Variants in SEMA4D observed in about 807,000 individuals in gnomAD.
The protein encoded by SEMA4D is semaphorin 4D, also known as semaphorin-4D.
A neutral mutation model predicts 74.8 loss-of-function variants in SEMA4D; 22 were observed. The ratio of observed to expected loss-of-function variants is 0.29; its 90% CI spans 0.21 to 0.42. The LOEUF is 0.42. SEMA4D is among the 10% of genes least tolerant of loss of function. The pLI, the probability that SEMA4D is intolerant of heterozygous loss-of-function variation, is 1.00. For synonymous variants in SEMA4D, 445 were observed against 463.7 expected (o/e 0.96, Z 0.52); for missense variants, 937 against 1,118.4 (o/e 0.84, Z 2.31).
intron 2 of SEMA4D, among the ~76,000 whole-genome samples, chr9:89,414,610 A>G (rs1424970159): frequency 6.6e-6 from 1 of 152,232 alleles, no homozygotes; most frequent in African/African-American, 2.4e-5. Context: ...CAAACTGAGG[A>G]TAAAATGGCC....
intron 2 of SEMA4D, among the ~76,000 whole-genome samples, chr9:89,406,717 CCT>C (rs1843396118): frequency 6.6e-6 from 1 of 152,176 alleles, no homozygotes. Context: ...ACCTGGGATC[CCT>C]GAGTCCCTTG....
At chr9:89,417,624 C>A (rs1186416878) in intron 2 of SEMA4D, among the ~76,000 whole-genome samples, 1 of 152,206 alleles carries the variant, frequency 6.6e-6, no homozygotes, top group Non-Finnish European at 1.5e-5. Context: ...AGATTAAACA[C>A]AAAATGGCCC....
intron 1 of SEMA4D, among the ~76,000 whole-genome samples, chr9:89,461,304 A>G (rs2135695862): frequency 6.6e-6 from 1 of 152,326 alleles, no homozygotes; most frequent in South Asian, 2.1e-4. Flanking sequence ...CTTAGCTATC[A>G]GCAACGAGCA....
intron 2 of SEMA4D, among the ~76,000 whole-genome samples, chr9:89,428,576 TGG>T (rs1848590792): frequency 6.6e-6 from 1 of 151,938 alleles, no homozygotes; most frequent in Admixed American, 6.5e-5. Flanking sequence ...GGCACAGGCA[TGG>T]AGCCTGCTCA....
At chr9:89,425,974 A>T (rs1848001639) in intron 2 of SEMA4D, among the ~76,000 whole-genome samples, 2 of 152,344 alleles carry the variant, frequency 1.3e-5, no homozygotes, top group South Asian at 4.1e-4. Flanking sequence ...CCAGCAGTGA[A>T]GGCATCACAG....
chr9:89,362,833 G>A (rs866053714), intron 18 of SEMA4D, among the ~76,000 whole-genome samples: 1 of 149,550 alleles, frequency 6.7e-6, no homozygotes, highest in Non-Finnish European at 1.5e-5. Flanking sequence ...GTAGCACACA[G>A]TGATGAATCC....
chr9:89,388,670 T>C lies in SEMA4D; in HGVS notation c.1073A>G (p.Tyr358Cys), dbSNP rs749614802. The C allele has an allele frequency of 5.0e-6, 8 of 1,604,162 alleles. No individual in the cohort carries two copies. Among genetic ancestry groups the C allele is most frequent in the Admixed American group, 1.7e-5 (1 of 58,026 alleles). The change falls in exon 11 of 16, where the codon TAT becomes TGT. Residue 358 changes from tyrosine to cysteine, a missense_variant. Physicochemically the swap from Tyr to Cys is radical, Grantham distance 194. Coordinates refer to ENST00000422704, the MANE Select transcript of SEMA4D (RefSeq NM_001371194.2). ...VEQSHTKWVR[Y>C]NGPVPKPRPG... is the part of the protein sequence containing the mutation. Reference sequence around the variant, plus strand: ...CCGCGGCTTGGGTACCGGGCCATTATAGCGCACCCACTTGGTGTGGGACTG... The same window carrying C: ...CCGCGGCTTGGGTACCGGGCCATTACAGCGCACCCACTTGGTGTGGGACTG...
Position 89,435,363 on chromosome 9 carries a change from C to G in SEMA4D, c.-244+20525G>C, listed in dbSNP as rs1357172721. On this transcript the variant is annotated intron_variant, in intron 2 of 15. Coordinates refer to ENST00000422704, the MANE Select transcript of SEMA4D (RefSeq NM_001371194.2). ...ATTCTGGAAGGATTACAAGCATCCC[C>G]ATTCACAGCCCCCATTCCTATGTAA... 2.0e-5 allele frequency among the ~76,000 whole-genome samples: 3 copies of G among 152,208 alleles called. No individual in the cohort carries two copies. The East Asian group carries it at 5.8e-4, about 29-fold the overall frequency.
At chr9:89,443,233 C>T (rs77351491) in intron 2 of SEMA4D, among the ~76,000 whole-genome samples, 1,592 of 152,280 alleles carry the variant, frequency 0.01, 27 homozygotes, top group African/African-American at 0.036. Context: ...GGACAGAGGC[C>T]GGGTCGCGAG....
intron 1 of SEMA4D, among the ~76,000 whole-genome samples, chr9:89,459,641 G>C (rs1856779394): frequency 6.6e-6 from 1 of 152,124 alleles, no homozygotes; most frequent in Non-Finnish European, 1.5e-5. Context: ...CTCAGCCCTG[G>C]GTCCCAAAGG....
chr9:89,479,964 GT>G (rs1469689915), intron 1 of SEMA4D: 1 of 152,258 alleles, frequency 6.6e-6, no homozygotes, highest in Non-Finnish European at 1.5e-5. Flanking sequence ...GTAGAGCCGA[GT>G]GGCCTGTTTT....
At chr9:89,438,982 T>C (rs1851101621) in intron 2 of SEMA4D, among the ~76,000 whole-genome samples, 1 of 101,982 alleles carries the variant, frequency 9.8e-6, no homozygotes, top group Non-Finnish European at 2.2e-5. Context: ...TTTTTTTTTT[T>C]TTTTTTTTTT....
chr9:89,460,323 A>G (rs1856917996), intron 1 of SEMA4D, among the ~76,000 whole-genome samples: 1 of 152,204 alleles, frequency 6.6e-6, no homozygotes, highest in African/African-American at 2.4e-5. Flanking sequence ...ACACCACCCT[A>G]CAAAGAAAAG....
chr9:89,449,526 G>A (rs1853821812), intron 2 of SEMA4D: 1 of 762,062 alleles, frequency 1.3e-6, no homozygotes, highest in Non-Finnish European at 2.4e-6. Flanking sequence ...GCGGCTCAGG[G>A]GAAACGAGGC....
rs1174715218 is a variant in SEMA4D, at chr9:89,440,323, A to AC, written c.-244+15564dup. 8.0e-5 allele frequency among the ~76,000 whole-genome samples: 12 copies of AC among 150,244 alleles called. No homozygotes were observed. The South Asian group carries it at 8.5e-4, about 11-fold the overall frequency. ...CCTTCTCCCACCCACGCTTTCACCC[A>AC]CCCCCATGGTATAGCTACATGAGTA... On this transcript the variant is annotated intron_variant, in intron 2 of 15. Transcript: ENST00000422704.
intron 6 of SEMA4D, among the ~76,000 whole-genome samples, chr9:89,396,406 A>G (rs961782875): frequency 1.3e-5 from 2 of 152,056 alleles, no homozygotes; most frequent in African/African-American, 4.8e-5. Context: ...CCCCAATGCC[A>G]TGTTCAGGCT....
intron 16 of SEMA4D, chr9:89,365,420 C>G (rs539629194): frequency 6.6e-6 from 1 of 152,540 alleles, no homozygotes; most frequent in Non-Finnish European, 1.5e-5. Flanking sequence ...GCTCCCTGAC[C>G]AGCACCTGCC....
In SEMA4D at chr9:89,402,959, A is replaced by G. The variant is rs1842528138; in HGVS notation, c.164T>C (p.Leu55Pro). ...GTACAAGGTGTCCTTGTCCTCGCTC[A>G]GCAGCAAGGCTGAGTAGTTGTAGAT... is the stretch of plus-strand genomic sequence containing the variant. Reference protein sequence around the residue: ...PDIYNYSALLLSEDKDTLYIG... With the variant: ...PDIYNYSALLPSEDKDTLYIG... The change falls in exon 4 of 16, where the codon CTG (leucine) becomes CCG (proline). Residue 55 changes from leucine to proline, a missense_variant. Transcript: ENST00000422704. The G allele has an allele frequency of 1.9e-6, 3 of 1,614,038 alleles. No homozygotes were observed. The highest frequency in any genetic ancestry group is 1.7e-5 in the Admixed American group (1 of 60,032).
At position 89,448,519 on chromosome 9, in the gene SEMA4D, G is replaced by A. The variant is rs1853537991; in HGVS notation, c.-244+7369C>T. 3.3e-5 allele frequency among the ~76,000 whole-genome samples: 5 copies of A among 152,336 alleles called. No individual in the cohort carries two copies. The South Asian group carries it at 1.0e-3, about 32-fold the overall frequency. ...CAAGGTATGCCTACCCAGACCAGCC[G>A]GGCTGCCCCAGCACCAGGAACAGGC... is the stretch of plus-strand genomic sequence containing the variant. On this transcript the variant is annotated intron_variant, in intron 2 of 15. Transcript: ENST00000422704.
Sources: allele counts gnomAD v4.1 joint callset (sites outside exome capture counted in the v4.1 genomes callset), GRCh38; gene constraint gnomAD v4.1.1; transcripts MANE v1.5; gene names NCBI Gene and HGNC (gene_info 2026-07-23, HGNC 2026-07-21).